Variants in NHEJ1 observed in about 807,000 individuals in gnomAD.
NHEJ1 encodes the protein non-homologous end-joining factor 1.
A neutral mutation model predicts 39.4 loss-of-function variants in NHEJ1; 22 were observed. The observed-to-expected ratio is 0.56, with a 90% confidence interval of 0.40 to 0.80. The LOEUF is 0.80. NHEJ1 is among the 30% of genes least tolerant of loss of function. NHEJ1 has a pLI of 0.00. For missense variants in NHEJ1, 329 were observed against 357.1 expected (o/e 0.92, Z 0.63); for synonymous variants, 154 against 135.6 (o/e 1.14, Z -0.94).
chr2:219,089,919 C>G (rs1437766049), intron 5 of NHEJ1, among the ~76,000 whole-genome samples: 1 of 152,162 alleles, frequency 6.6e-6, no homozygotes, highest in Non-Finnish European at 1.5e-5. Flanking sequence ...GAGCAGATAC[C>G]TACCAGTGGC....
chr2:219,086,653 A>G (rs1452576538), intron 5 of NHEJ1, among the ~76,000 whole-genome samples: 2 of 152,312 alleles, frequency 1.3e-5, no homozygotes, highest in Non-Finnish European at 2.9e-5. Flanking sequence ...TCCTTTTAAA[A>G]TAAGTACAGC....
At position 219,121,809 on chromosome 2, in the gene NHEJ1, G is replaced by C. The variant is rs752696452; in HGVS notation, c.588+24871C>G. Among the ~76,000 whole-genome samples the C allele has an allele frequency of 1.7e-4, 26 of 150,940 alleles. 1 individual carries two copies. The highest frequency in any genetic ancestry group is 3.2e-4 in the Non-Finnish European group (22 of 67,868). Reference sequence around the variant, plus strand: ...CCACCACACTCCAGCCTGGGCAATAGACCCTATCTTAAAAAAAAAAAAAAT... The same window carrying C: ...CCACCACACTCCAGCCTGGGCAATACACCCTATCTTAAAAAAAAAAAAAAT... On this transcript the variant is annotated intron_variant, in intron 5 of 7. Transcript: ENST00000356853.
At chr2:219,130,582 G>C (rs186949135) in intron 5 of NHEJ1, among the ~76,000 whole-genome samples, 3 of 152,274 alleles carry the variant, frequency 2.0e-5, no homozygotes, top group African/African-American at 7.2e-5. Flanking sequence ...CGAGCGCTTG[G>C]AGAGATCCTT....
At chr2:219,112,124 T>C (rs1284771455) in intron 5 of NHEJ1, among the ~76,000 whole-genome samples, 6 of 151,994 alleles carry the variant, frequency 3.9e-5, no homozygotes, top group African/African-American at 1.2e-4. Flanking sequence ...ACAACAGAGA[T>C]TGTAACTAAA....
chr2:219,082,299 A>G (rs560389175), intron 5 of NHEJ1, among the ~76,000 whole-genome samples: 1 of 152,314 alleles, frequency 6.6e-6, no homozygotes, highest in African/African-American at 2.4e-5. Flanking sequence ...CCTGTAGGGC[A>G]TTTTATTTCC....
intron 5 of NHEJ1, among the ~76,000 whole-genome samples, chr2:219,142,778 C>T (rs1949703890): frequency 1.3e-5 from 2 of 152,192 alleles, no homozygotes; most frequent in Non-Finnish European, 2.9e-5. Flanking sequence ...TACAAAATGC[C>T]CTATATAGGG....
intron 1 of NHEJ1, 73 bp downstream of exon 1, chr2:219,160,647 G>C (rs1427158431): frequency 6.7e-6 from 1 of 148,222 alleles, no homozygotes; most frequent in Non-Finnish European, 1.5e-5. Context: ...GCCAGCGCCA[G>C]GGCCAACCCG....
chr2:219,138,076 G>A (rs1210054011), intron 5 of NHEJ1, among the ~76,000 whole-genome samples: 2 of 152,028 alleles, frequency 1.3e-5, no homozygotes, highest in Non-Finnish European at 2.9e-5. Flanking sequence ...TGCCCACATG[G>A]ACACTAAAAA....
chr2:219,157,342 T>C, intron 3 of NHEJ1, 130 bp downstream of exon 3: 1 of 764,312 alleles, frequency 1.3e-6, no homozygotes, highest in South Asian at 1.5e-5. Flanking sequence ...TGCCTTCTGT[T>C]TAGTCAAGGA....
chr2:219,104,368 A>G (rs1388317130), intron 5 of NHEJ1, among the ~76,000 whole-genome samples: 1 of 152,242 alleles, frequency 6.6e-6, no homozygotes, highest in Non-Finnish European at 1.5e-5. Context: ...AGAGAGCTCC[A>G]GAACTGACAG....
At position 219,092,806 on chromosome 2, in the gene NHEJ1, AG is replaced by A. The variant is rs560310379; in HGVS notation, c.589-14601del. On this transcript the variant is annotated intron_variant, in intron 5 of 7. Transcript: ENST00000356853. ...AGCCACATGCCAGTCAATGGTCTGC[AG>A]GAGTAGAAACAAATTGGCTGTGGGG... 5.2e-4 allele frequency among the ~76,000 whole-genome samples: 79 copies of A among 152,328 alleles called. 1 individual carries two copies. The East Asian group carries it at 0.014, about 28-fold the overall frequency.
intron 5 of NHEJ1, among the ~76,000 whole-genome samples, chr2:219,081,626 A>T (rs918728626): frequency 4.6e-5 from 7 of 152,224 alleles, no homozygotes; most frequent in African/African-American, 1.7e-4. Flanking sequence ...ATACAAAGAT[A>T]GTAACTCAGA....
At chr2:219,092,936 T>C (rs1949174442) in intron 5 of NHEJ1, among the ~76,000 whole-genome samples, 1 of 152,236 alleles carries the variant, frequency 6.6e-6, no homozygotes, top group Non-Finnish European at 1.5e-5. Context: ...GACCTCCCTG[T>C]GCCTATTCAG....
chr2:219,160,078 T>A (rs534259632), intron 1 of NHEJ1, among the ~76,000 whole-genome samples: 10 of 152,152 alleles, frequency 6.6e-5, no homozygotes, highest in Non-Finnish European at 1.3e-4. Flanking sequence ...TTTTCTTTTT[T>A]CCTTCAAGGC....
intron 5 of NHEJ1, among the ~76,000 whole-genome samples, chr2:219,121,723 G>A (rs1295354938): frequency 6.6e-6 from 1 of 151,956 alleles, no homozygotes; most frequent in African/African-American, 2.4e-5. Context: ...CTACTTGAGA[G>A]GTTGAGGTGG....
intron 5 of NHEJ1, among the ~76,000 whole-genome samples, chr2:219,113,026 T>C (rs561703558): frequency 2.6e-5 from 4 of 152,300 alleles, no homozygotes; most frequent in African/African-American, 4.8e-5. Context: ...GTTTATGCTA[T>C]ACATCTTAAA....
chr2:219,110,996 G>A (rs1949360591), intron 5 of NHEJ1, among the ~76,000 whole-genome samples: 1 of 152,112 alleles, frequency 6.6e-6, no homozygotes, highest in Admixed American at 6.5e-5. Flanking sequence ...AGGGACATGG[G>A]TAGATAAGAT....
chr2:219,095,228 T>C (rs1017069492), intron 5 of NHEJ1: 2 of 457,094 alleles, frequency 4.4e-6, no homozygotes, highest in East Asian at 1.4e-4. Flanking sequence ...TTTTGTAAGA[T>C]CTGTGAGACA....
chr2:219,118,708 C>T lies in NHEJ1; in HGVS notation c.588+27972G>A, dbSNP rs532266269. On this transcript the variant is annotated intron_variant, in intron 5 of 7. Transcript: ENST00000356853. ...CCAAAGGGGCCACAGGGGATTCAGG[C>T]GGACAGCTCCGCCCAGCCCTTAAAC... is the stretch of plus-strand genomic sequence containing the variant. 1.4e-4 allele frequency among the ~76,000 whole-genome samples: 22 copies of T among 152,286 alleles called. No individual in the cohort carries two copies. The South Asian group carries it at 2.7e-3, about 19-fold the overall frequency.
Sources: allele counts gnomAD v4.1 joint callset (sites outside exome capture counted in the v4.1 genomes callset), GRCh38; gene constraint gnomAD v4.1.1; transcripts MANE v1.5; gene names NCBI Gene and HGNC (gene_info 2026-07-23, HGNC 2026-07-21).